Variants in ACO2 observed in about 807,000 individuals in gnomAD.
ACO2 encodes aconitase 2.
Under a neutral mutation model 84.5 loss-of-function variants are expected in ACO2, and 31 were observed. The observed-to-expected ratio is 0.37, with a 90% CI of 0.28 to 0.50. ACO2 has a LOEUF of 0.50. Among genes scored for constraint, ACO2 ranks in the 20% least tolerant of loss-of-function variants. The pLI is 0.97. For missense variants in ACO2, 685 were observed against 1,029.3 expected (o/e 0.67, Z 4.58); for synonymous variants, 414 against 412.7 (o/e 1.00, Z -0.04).
Position 41,469,154 on chromosome 22 carries a change from C to A in ACO2, c.8C>A (p.Pro3His), listed in dbSNP as rs1175733669. 2.5e-6 allele frequency: 4 copies of A among 1,609,312 alleles called. No individual in the cohort carries two copies. The highest frequency in any genetic ancestry group is 3.4e-6 in the Non-Finnish European group (4 of 1,177,794). The change falls in exon 1 of 18, where the codon CCC becomes CAC. Residue 3 changes from proline to histidine, a missense_variant. Physicochemically the swap from Pro to His is moderately conservative, Grantham distance 77 (BLOSUM62 -2). This residue lies in a region of ACO2 where 98 missense variants were observed against 107.6 expected (regional missense o/e 0.91). Transcript: ENST00000216254. The stretch of plus-strand genomic sequence containing the variant: ...TCTTTGTCAGTGCACAAAATGGCGC[C>A]CTACAGCCTACTGGTGACTCGGCTG... Reference protein sequence around the residue: MAPYSLLVTRLQK... With the variant: MAHYSLLVTRLQK...
At chr22:41,522,735 C>T in intron 9 of ACO2, 95 bp from the exon 10 acceptor site, 2 of 1,429,868 alleles carry the variant, frequency 1.4e-6, no homozygotes, top group South Asian at 1.4e-5. Context: ...AGATGGTGAA[C>T]TCTTTTGGCC....
intron 2 of ACO2, among the ~76,000 whole-genome samples, chr22:41,501,613 C>T (rs1017441594): frequency 6.6e-6 from 1 of 152,182 alleles, no homozygotes; most frequent in Non-Finnish European, 1.5e-5. Context: ...TTCTTTGATA[C>T]TGACAGTGGT....
At position 41,528,847 on chromosome 22, in the gene ACO2, G is replaced by A. The variant is rs922038886; in HGVS notation, c.*234G>A. ...TGGTTCAGATCTTAAGCAGCTCCAT[G>A]CAACTGTATTTATTTTTGATGACAA... On this transcript the variant is annotated 3_prime_UTR_variant, in exon 18 of 18. Transcript: ENST00000216254. The A allele has an allele frequency of 3.6e-6, 2 of 562,464 alleles. No individual in the cohort carries two copies. The highest frequency in any genetic ancestry group is 3.8e-5 in the African/African-American group (2 of 52,222). 34.8% of individuals were successfully genotyped at this position (562,464 alleles called of 1,614,324 possible). A position where few individuals can be genotyped will look rare whatever the true frequency, so the allele number is the denominator to read the frequency against.
At chr22:41,511,607 C>T (rs1446642024) in intron 3 of ACO2, among the ~76,000 whole-genome samples, 1 of 152,254 alleles carries the variant, frequency 6.6e-6, no homozygotes, top group Non-Finnish European at 1.5e-5. Context: ...AGGGCAGGGA[C>T]TTGTTCCAGA....
At chr22:41,493,731 C>T (rs1026525312) in intron 1 of ACO2, among the ~76,000 whole-genome samples, 2 of 152,062 alleles carry the variant, frequency 1.3e-5, no homozygotes, top group Non-Finnish European at 2.9e-5. Context: ...CTCTTGAGTC[C>T]AGGAGTTCGA....
chr22:41,494,573 G>A (rs983551454), intron 1 of ACO2, among the ~76,000 whole-genome samples: 5 of 147,110 alleles, frequency 3.4e-5, no homozygotes, highest in African/African-American at 7.6e-5. Context: ...CACCATGTCC[G>A]GCTAATATTG....
intron 3 of ACO2, among the ~76,000 whole-genome samples, 162 bp from the exon 4 acceptor site, chr22:41,511,714 A>C (rs1196321490): frequency 6.6e-6 from 1 of 152,178 alleles, no homozygotes; most frequent in Non-Finnish European, 1.5e-5. Context: ...CCAACATCCA[A>C]GCTCTTTGGA....
chr22:41,508,558 A>G (rs373104329), intron 3 of ACO2, among the ~76,000 whole-genome samples: 70 of 152,342 alleles, frequency 4.6e-4, no homozygotes, highest in South Asian at 1.0e-3. Flanking sequence ...TTAGGGCTCA[A>G]TGCTGATCCT....
At position 41,507,854 on chromosome 22, in the gene ACO2, C is replaced by A. The variant is rs186922643; in HGVS notation, c.237C>A (p.Ser79Arg). Residue 79 changes from serine to arginine, a missense_variant, in exon 3 of 18, where the codon AGC becomes AGA. This residue lies in a region of ACO2 where 98 missense variants were observed against 107.6 expected (regional missense o/e 0.91). Coordinates refer to ENST00000216254, the MANE Select transcript of ACO2 (RefSeq NM_001098.3). ...ATGGACACCTGGATGACCCCGCCAG[C>A]CAGGAAATTGAGCGAGGCAAGTCGT... ...IVYGHLDDPA[S>R]QEIERGKSYL... is the part of the protein sequence containing the mutation. The A allele has an allele frequency of 5.0e-6, 8 of 1,614,228 alleles. No individual in the cohort carries two copies. The East Asian group carries it at 1.8e-4, about 36-fold the overall frequency.
At chr22:41,494,283 C>G (rs1168961310) in intron 1 of ACO2, among the ~76,000 whole-genome samples, 1 of 152,138 alleles carries the variant, frequency 6.6e-6, no homozygotes, top group Non-Finnish European at 1.5e-5. Flanking sequence ...CTGAGATAAT[C>G]ATAGGAGCCG....
At position 41,528,725 on chromosome 22, in the gene ACO2, A is replaced by G. The variant is rs922090206; in HGVS notation, c.*112A>G. On this transcript the variant is annotated 3_prime_UTR_variant, in exon 18 of 18. Coordinates refer to ENST00000216254, the MANE Select transcript of ACO2 (RefSeq NM_001098.3). ...CTATTCCAAGATGGTGTGACCAGAC[A>G]TGCTTCCTGCTCCCCGCTTAGCCCA... The G allele has an allele frequency of 7.0e-7, 1 of 1,431,634 alleles. No homozygotes were observed. The highest frequency in any genetic ancestry group is 9.3e-7 in the Non-Finnish European group (1 of 1,072,754). The allele number at this position is 1,431,634 out of a possible 1,614,324, so 88.7% of individuals were successfully genotyped here. A position where few individuals can be genotyped will look rare whatever the true frequency, so the allele number is the denominator to read the frequency against.
At chr22:41,527,147 C>A in intron 15 of ACO2, 141 bp from the exon 16 acceptor site, 3 of 1,273,714 alleles carry the variant, frequency 2.4e-6, no homozygotes, top group Non-Finnish European at 3.3e-6. Context: ...AGGCAGCAGG[C>A]GAGGAAGGGC....
Position 41,526,256 on chromosome 22 carries a change from C to A in ACO2, c.1762-6C>A. 6.2e-7 allele frequency: 1 copy of A among 1,610,788 alleles called. No homozygotes were observed. The highest frequency in any genetic ancestry group is 8.5e-7 in the Non-Finnish European group (1 of 1,178,984). On this transcript the variant is annotated splice_polypyrimidine_tract_variant and splice_region_variant and intron_variant, in intron 14 of 17. Coordinates refer to ENST00000216254, the MANE Select transcript of ACO2 (RefSeq NM_001098.3). ...TGACCTCTGTCCTCTCTACTTACCA[C>A]CCAAGGTCAAAGGGAAGTGTACCAC...
chr22:41,528,037 T>TC lies in ACO2; in HGVS notation c.2208+20dup. ...CCCCTGGCAAGGTTAGGGGCCCGGGTCCCCCTGAGGTGGTGGGGTGAGGGG... is the reference window on the plus strand; with the variant it reads ...CCCCTGGCAAGGTTAGGGGCCCGGGTCCCCCCTGAGGTGGTGGGGTGAGGGG... On this transcript the variant is annotated intron_variant, in intron 17 of 17. Transcript: ENST00000216254. 6.2e-7 allele frequency: 1 copy of TC among 1,613,726 alleles called. No homozygotes were observed. Among genetic ancestry groups the TC allele is most frequent in the Non-Finnish European group, 8.5e-7 (1 of 1,179,918 alleles).
At chr22:41,527,833 T>C (rs2146153049) in intron 16 of ACO2, 68 bp from the exon 17 acceptor site, 2 of 1,611,812 alleles carry the variant, frequency 1.2e-6, no homozygotes, top group Non-Finnish European at 8.5e-7. Flanking sequence ...GAGCCCCAGA[T>C]GGGTTCAGAA....
In ACO2 at chr22:41,528,802, C is replaced by A; in HGVS notation, c.*189C>A. The A allele has an allele frequency of 1.3e-6, 1 of 748,352 alleles. No individual in the cohort carries two copies. The highest frequency in any genetic ancestry group is 2.1e-6 in the Non-Finnish European group (1 of 481,496). The allele number at this position is 748,352 out of a possible 1,614,324, so 46.4% of individuals were successfully genotyped here. A position where few individuals can be genotyped will look rare whatever the true frequency, so the allele number is the denominator to read the frequency against. ...GGTTCTTAAAATAACTTTTTAGCCC[C>A]CGTCTTCCTATTTTGAGTTTGGTTC... is the stretch of plus-strand genomic sequence containing the variant. On this transcript the variant is annotated 3_prime_UTR_variant, in exon 18 of 18. Coordinates refer to ENST00000216254, the MANE Select transcript of ACO2 (RefSeq NM_001098.3).
intron 8 of ACO2, among the ~76,000 whole-genome samples, chr22:41,519,431 G>A (rs2066503262): frequency 6.6e-6 from 1 of 152,216 alleles, no homozygotes. Context: ...TTTACTGCAT[G>A]CTGCGCACAT....
chr22:41,526,538 G>A lies in ACO2; in HGVS notation c.1953+85G>A, dbSNP rs1049930155. The A allele has an allele frequency of 8.9e-6, 13 of 1,460,030 alleles. No individual in the cohort carries two copies. The African/African-American group carries it at 1.4e-4, about 16-fold the overall frequency. 90.4% of individuals were successfully genotyped at this position (1,460,030 alleles called of 1,614,324 possible). On this transcript the variant is annotated intron_variant, in intron 15 of 17. Coordinates refer to ENST00000216254, the MANE Select transcript of ACO2 (RefSeq NM_001098.3). ...GGTGCAGGGAGGACATTAGGGGAGT[G>A]GAAACTGGGAAGGAGGCCGACCAAG...
intron 2 of ACO2, among the ~76,000 whole-genome samples, chr22:41,503,527 C>T (rs1320172384): frequency 6.6e-6 from 1 of 152,102 alleles, no homozygotes; most frequent in Non-Finnish European, 1.5e-5. Flanking sequence ...GAAGGGGTTT[C>T]ACCATGTTAG....
Sources: allele counts gnomAD v4.1 joint callset (sites outside exome capture counted in the v4.1 genomes callset), GRCh38; gene constraint gnomAD v4.1.1; regional missense constraint gnomAD v4.1.1; transcripts MANE v1.5; gene names NCBI Gene and HGNC (gene_info 2026-07-23, HGNC 2026-07-21).